GIGYF2: variants seen among roughly 807,000 people sequenced by gnomAD.
GIGYF2 encodes the protein GRB10-interacting GYF protein 2.
GIGYF2 carries 25 observed loss-of-function variants against 208.1 expected under a neutral mutation model. The ratio of observed to expected loss-of-function variants is 0.12; its 90% CI spans 0.09 to 0.17. The LOEUF is 0.17. Among genes scored for constraint, GIGYF2 ranks in the 10% least tolerant of loss-of-function variants. The pLI is 1.00. For synonymous variants in GIGYF2, 534 were observed against 543.8 expected, an observed-to-expected ratio of 0.98 and a Z score of 0.25; for missense variants, 1,302 against 1,579.4, an observed-to-expected ratio of 0.82 and a Z score of 2.98.
chr2:232,725,076 A>G (rs761045142), intron 2 of GIGYF2, among the ~76,000 whole-genome samples: 3 of 152,152 alleles, frequency 2.0e-5, no homozygotes, highest in Non-Finnish European at 4.4e-5. Context: ...AACACTTAAT[A>G]TGTTGTTGGT....
At chr2:232,712,552 A>G (rs1696470148) in intron 2 of GIGYF2, among the ~76,000 whole-genome samples, 1 of 152,244 alleles carries the variant, frequency 6.6e-6, no homozygotes, top group African/African-American at 2.4e-5. Context: ...CTATAGTGCC[A>G]GCAGTTTTCC....
chr2:232,702,269 T>A (rs1167478268), intron 1 of GIGYF2, among the ~76,000 whole-genome samples: 2 of 151,870 alleles, frequency 1.3e-5, no homozygotes, highest in African/African-American at 4.8e-5. Flanking sequence ...CAAAACCCTG[T>A]GTCTACTAAA....
intron 8 of GIGYF2, chr2:232,767,850 T>C: frequency 3.6e-6 from 1 of 278,018 alleles, no homozygotes; most frequent in Non-Finnish European, 6.9e-6. Flanking sequence ...GATTAATGGT[T>C]GATTTTCTTA....
At position 232,855,337 on chromosome 2, in the gene GIGYF2, C is replaced by G. The variant is rs151234664; in HGVS notation, c.3833-1456C>G. 3.2e-3 allele frequency among the ~76,000 whole-genome samples: 485 copies of G among 152,322 alleles called. 3 individuals carry two copies. Among genetic ancestry groups the G allele is most frequent in the Non-Finnish European group, 3.9e-3 (264 of 68,030 alleles). On this transcript the variant is annotated intron_variant, in intron 28 of 28. Coordinates refer to ENST00000373563, the MANE Select transcript of GIGYF2 (RefSeq NM_001103146.3). ...TCCTGGCCTCAAGTAATCCACCCACCTCGGCCTCCAGTGTGCCCAGCCAGC... is the reference window on the plus strand; with the variant it reads ...TCCTGGCCTCAAGTAATCCACCCACGTCGGCCTCCAGTGTGCCCAGCCAGC...
intron 27 of GIGYF2, among the ~76,000 whole-genome samples, chr2:232,849,786 C>T (rs547193099): frequency 1.3e-5 from 2 of 152,242 alleles, no homozygotes; most frequent in Admixed American, 1.3e-4. Flanking sequence ...TGGGCCAGAT[C>T]GTTTCTGGGA....
intron 9 of GIGYF2, among the ~76,000 whole-genome samples, chr2:232,790,248 C>G (rs180824339): frequency 3.3e-5 from 5 of 152,126 alleles, no homozygotes; most frequent in Non-Finnish European, 5.9e-5. Flanking sequence ...CTGATTTTAT[C>G]CACAAACAAT....
chr2:232,732,877 A>G (rs972832840), intron 2 of GIGYF2, among the ~76,000 whole-genome samples: 7 of 151,860 alleles, frequency 4.6e-5, no homozygotes, highest in African/African-American at 1.5e-4. Flanking sequence ...CGATCCACCC[A>G]CCTTGGCCTC....
chr2:232,814,565 A>ACC (rs35081043), intron 18 of GIGYF2, among the ~76,000 whole-genome samples: 3,282 of 75,878 alleles, frequency 0.043, 307 homozygotes, highest in African/African-American at 0.087. Context: ...TCCACCTCAA[A>ACC]CCCCCCCCCC....
chr2:232,744,520 G>A (rs1698076815), intron 3 of GIGYF2, among the ~76,000 whole-genome samples: 1 of 149,238 alleles, frequency 6.7e-6, no homozygotes, highest in African/African-American at 2.5e-5. Context: ...GAAAGATTGT[G>A]TTTTTTTTTC....
chr2:232,756,372 A>C, intron 6 of GIGYF2, 38 bp downstream of exon 6: 1 of 1,091,264 alleles, frequency 9.2e-7, no homozygotes, highest in Non-Finnish European at 1.4e-6. Flanking sequence ...ATGGAGGAGG[A>C]GGAGGAGGAT....
rs768230553 is a variant in GIGYF2 at position 232,747,609 on chromosome 2, T to C, written c.42-6T>C. 3.1e-6 allele frequency: 5 copies of C among 1,613,892 alleles called. No individual in the cohort carries two copies. In the South Asian group the frequency reaches 5.5e-5, roughly 18 times the overall value. ...TTTGACATATTCTCTGTCTTTTCTA[T>C]TCTAGGCTCCGAGCTCTGTCCAGTG... On this transcript the variant is annotated splice_region_variant and splice_polypyrimidine_tract_variant and intron_variant, in intron 3 of 28. Transcript: ENST00000373563.
rs561961972 is a variant in GIGYF2 at position 232,845,598 on chromosome 2, T to C, written c.3306-134T>C. 5 of 781,188 alleles carry C rather than the reference T, an allele frequency of 6.4e-6. No individual in the cohort carries two copies. In the East Asian group the frequency reaches 1.3e-4, roughly 20 times the overall value. The allele number at this position is 781,188 out of a possible 1,614,324, so 48.4% of individuals were successfully genotyped here. On this transcript the variant is annotated intron_variant, in intron 25 of 28. Coordinates refer to ENST00000373563, the MANE Select transcript of GIGYF2 (RefSeq NM_001103146.3). ...CAATCCAAATATTTGAATTTTTTTC[T>C]TTTTTGGAGCCAAGCATTGGATTAT... is the stretch of plus-strand genomic sequence containing the variant.
At chr2:232,711,863 C>G (rs1359370060) in intron 2 of GIGYF2, among the ~76,000 whole-genome samples, 2 of 150,600 alleles carry the variant, frequency 1.3e-5, no homozygotes, top group Non-Finnish European at 3.0e-5. Context: ...ACTGCATCAC[C>G]AGGTAGTTTT....
At position 232,803,863 on chromosome 2, in the gene GIGYF2, A is replaced by G. The variant is rs1559444558; in HGVS notation, c.1640-2628A>G. 6.4e-5 allele frequency among the ~76,000 whole-genome samples: 2 copies of G among 31,268 alleles called. 1 individual carries two copies. Among genetic ancestry groups the G allele is most frequent in the Admixed American group, 5.4e-4 (2 of 3,706 alleles). The allele number at this position is 31,268 out of a possible 152,430, so 20.5% of individuals were successfully genotyped here. ...CCACCGCGCCCGGCTAATTTTTTGT[A>G]TTTTTAGTAGAGACGGGGTTTCACC... is the stretch of plus-strand genomic sequence containing the variant. On this transcript the variant is annotated intron_variant, in intron 14 of 28. Transcript: ENST00000373563.
rs1307925176 is a variant in GIGYF2, at chr2:232,816,850, A to G, written c.2209-21A>G. ...CTGTGCTTGGTTTCAAGTTTCTAAGAGTACTCTTGTGTAATCACAGCTAGA... is the reference window on the plus strand; with the variant it reads ...CTGTGCTTGGTTTCAAGTTTCTAAGGGTACTCTTGTGTAATCACAGCTAGA... On this transcript the variant is annotated intron_variant, in intron 19 of 28. Transcript: ENST00000373563. 5 of 1,597,026 alleles carry G rather than the reference A, an allele frequency of 3.1e-6. No homozygotes were observed. In the Admixed American group the frequency reaches 6.7e-5, roughly 21 times the overall value.
rs181154912 is a variant in GIGYF2 at position 232,853,370 on chromosome 2, G to A, written c.3832+2961G>A. Among the ~76,000 whole-genome samples the A allele has an allele frequency of 4.7e-3, 709 of 152,180 alleles. 1 individual carries two copies. The highest frequency in any genetic ancestry group is 7.4e-3 in the Non-Finnish European group (504 of 68,004). On this transcript the variant is annotated intron_variant, in intron 28 of 28. Coordinates refer to ENST00000373563, the MANE Select transcript of GIGYF2 (RefSeq NM_001103146.3). The stretch of plus-strand genomic sequence containing the variant: ...CTTCAGTAGGCTTCCTCCACCTCCC[G>A]GGTTCAAGTGATTTCCCCTGCCTCA...
At chr2:232,809,662 T>C in intron 15 of GIGYF2, 58 bp from the exon 16 acceptor site, 1 of 987,406 alleles carries the variant, frequency 1.0e-6, no homozygotes, top group East Asian at 2.4e-5. Context: ...ACTAAGTGGC[T>C]TTTAGGTTCT....
rs371650233 is a variant in GIGYF2, at chr2:232,768,827, T to C, written c.532+7391T>C. 3.1e-6 allele frequency: 5 copies of C among 1,597,060 alleles called. No homozygotes were observed. In the African/African-American group the frequency reaches 6.7e-5, roughly 22 times the overall value. On this transcript the variant is annotated intron_variant, in intron 8 of 28. Coordinates refer to ENST00000373563, the MANE Select transcript of GIGYF2 (RefSeq NM_001103146.3). ...CCACAAAAGCACCTAAATAAGAAAT[T>C]ATTGATTTTTTTTTAGAATGAAGAC...
chr2:232,795,401 A>G lies in GIGYF2; in HGVS notation c.1479+457A>G, dbSNP rs752943421. On this transcript the variant is annotated intron_variant, in intron 13 of 28. Coordinates refer to ENST00000373563, the MANE Select transcript of GIGYF2 (RefSeq NM_001103146.3). ...AAAGTAAGTGATAGCTTGCTTTTCT[A>G]CGAAAGAATTTCTCTTCCCTTTGGG... Among the ~76,000 whole-genome samples the G allele has an allele frequency of 1.0e-3, 157 of 152,354 alleles. 2 individuals are homozygous for G. The highest frequency in any genetic ancestry group is 4.4e-4 in the Non-Finnish European group (30 of 68,014).
Sources: allele counts gnomAD v4.1 joint callset (sites outside exome capture counted in the v4.1 genomes callset), GRCh38; gene constraint gnomAD v4.1.1; transcripts MANE v1.5; gene names NCBI Gene and HGNC (gene_info 2026-07-23, HGNC 2026-07-21).